The following UAP1L1 variants were observed in gnomAD, a reference collection of about 807,000 sequenced individuals.
UAP1L1 encodes UDP-N-acetylglucosamine pyrophosphorylase 1 like 1, also known as UDP-N-acetylhexosamine pyrophosphorylase-like protein 1.
UAP1L1 carries 45 observed loss-of-function variants against 45.3 expected under a neutral mutation model. The observed-to-expected ratio is 0.99, with a 90% confidence interval of 0.78 to 1.27. The LOEUF is 1.27. UAP1L1 is among the 50% of genes most tolerant of loss of function. UAP1L1 has a pLI of 0.00. For missense variants in UAP1L1, 667 were observed against 694.0 expected, an observed-to-expected ratio of 0.96 and a Z score of 0.44; for synonymous variants, 323 against 303.9, an observed-to-expected ratio of 1.06 and a Z score of -0.65.
At position 137,082,021 on chromosome 9, in the gene UAP1L1, C is replaced by T. The variant is rs575192975; in HGVS notation, c.1388C>T (p.Pro463Leu). Residue 463 changes from proline to leucine, a missense_variant, in exon 8 of 9, where the codon CCG (proline) becomes CTG (leucine). Physicochemically the swap from Pro to Leu is moderately conservative, Grantham distance 98. Coordinates refer to ENST00000409858, the MANE Select transcript of UAP1L1 (RefSeq NM_207309.3). This position sits in a 1 kb window ranked among gnomAD's most constrained non-coding sequence, Gnocchi z 5.7. ...AGCTTGCCCCCAAATGGAGACCCTC[C>T]GGCCATCTGTGAGATATCGCCCTTG... ...LPSLPPNGDPPAICEISPLVS... is the reference protein window; with the variant it reads ...LPSLPPNGDPLAICEISPLVS... 32 of 1,614,072 alleles carry T rather than the reference C, an allele frequency of 2.0e-5. No homozygotes were observed. Among genetic ancestry groups the T allele is most frequent in the South Asian group, 7.7e-5 (7 of 91,086 alleles).
rs181864249 is a variant in UAP1L1 at position 137,080,544 on chromosome 9, C to G, written c.1179-145C>G. 9 of 811,692 alleles carry G rather than the reference C, an allele frequency of 1.1e-5. No homozygotes were observed. In the East Asian group the frequency reaches 2.3e-4, roughly 21 times the overall value. 50.3% of individuals were successfully genotyped at this position (811,692 alleles called of 1,614,324 possible). ...CCCTGGCGTCTCAGGAGCAAAAACA[C>G]TCAGTACCTGCGGGGGCTCCTCCCT... On this transcript the variant is annotated intron_variant, in intron 6 of 8. Coordinates refer to ENST00000409858, the MANE Select transcript of UAP1L1 (RefSeq NM_207309.3).
In UAP1L1 at chr9:137,079,109, C is replaced by A. The variant is rs200693101; in HGVS notation, c.804C>A (p.Ile268=). The change falls in exon 4 of 9, where the codon ATC becomes ATA. Residue 268 remains isoleucine, a synonymous_variant. Coordinates refer to ENST00000409858, the MANE Select transcript of UAP1L1 (RefSeq NM_207309.3). ...ILVRLADPVF[I]GFCVLQGADC... The stretch of plus-strand genomic sequence containing the variant: ...TGCGGCTGGCGGACCCTGTCTTCAT[C>A]GGCTTCTGTGTGTTGCAGGGCGCAG... 1.0e-4 allele frequency: 166 copies of A among 1,611,782 alleles called. No homozygotes were observed. The highest frequency in any genetic ancestry group is 1.3e-4 in the Non-Finnish European group (151 of 1,179,628).
chr9:137,082,570 T>C lies in UAP1L1; in HGVS notation c.1432-67T>C. Reference sequence around the variant, plus strand: ...CGCACCTGGGGACTGTGGCTCTTGGTGTGGCCAGAGGGGCTGTGACCCGCC... The same window carrying C: ...CGCACCTGGGGACTGTGGCTCTTGGCGTGGCCAGAGGGGCTGTGACCCGCC... On this transcript the variant is annotated intron_variant, in intron 8 of 8. Coordinates refer to ENST00000409858, the MANE Select transcript of UAP1L1 (RefSeq NM_207309.3). This position sits in a 1 kb window ranked among gnomAD's most constrained non-coding sequence, Gnocchi z 5.7. The C allele has an allele frequency of 7.6e-7, 1 of 1,315,344 alleles. No individual in the cohort carries two copies. Among genetic ancestry groups the C allele is most frequent in the Non-Finnish European group, 1.1e-6 (1 of 935,436 alleles). The allele number at this position is 1,315,344 out of a possible 1,614,324, so 81.5% of individuals were successfully genotyped here. A position where few individuals can be genotyped will look rare whatever the true frequency, so the allele number is the denominator to read the frequency against.
chr9:137,080,778 C>G lies in UAP1L1; in HGVS notation c.1268C>G (p.Ala423Gly). The change falls in exon 7 of 9, where the codon GCT becomes GGT. Residue 423 changes from alanine (A) to glycine (G), a missense_variant. Coordinates refer to ENST00000409858, the MANE Select transcript of UAP1L1 (RefSeq NM_207309.3). ...EPADRDSPRT[A>G]RQALLTQHYR... The stretch of plus-strand genomic sequence containing the variant: ...GCCGACAGGGACAGTCCCCGCACCG[C>G]TCGCCAGGCCCTGCTCACCCAGCAC... 1 of 1,612,736 alleles carries G rather than the reference C, an allele frequency of 6.2e-7. No individual in the cohort carries two copies. The highest frequency in any genetic ancestry group is 8.5e-7 in the Non-Finnish European group (1 of 1,179,960).
chr9:137,082,242 C>A lies in UAP1L1; in HGVS notation c.1431+178C>A. 1 of 667,488 alleles carries A rather than the reference C, an allele frequency of 1.5e-6. No homozygotes were observed. The highest frequency in any genetic ancestry group is 2.6e-6 in the Non-Finnish European group (1 of 378,284). The allele number at this position is 667,488 out of a possible 1,614,324, so 41.3% of individuals were successfully genotyped here. A position where few individuals can be genotyped will look rare whatever the true frequency, so the allele number is the denominator to read the frequency against. ...ATGGGTTGGGGTGGGGTGAGGCATC[C>A]AGAGGCCTTTGCAGGTCCTGGGAGG... On this transcript the variant is annotated intron_variant, in intron 8 of 8. Coordinates refer to ENST00000409858, the MANE Select transcript of UAP1L1 (RefSeq NM_207309.3). The surrounding 1 kb of genome is among the most constrained non-coding windows in gnomAD (Gnocchi z 5.7).
At chr9:137,078,930 C>A (rs1033610187) in intron 3 of UAP1L1, 46 bp from the exon 4 acceptor site, 2 of 1,546,816 alleles carry the variant, frequency 1.3e-6, no homozygotes, top group Admixed American at 4.3e-5. Context: ...CCAGAGCGAT[C>A]CCTGGCGGGA....
At chr9:137,078,306 C>CA in intron 2 of UAP1L1, 52 bp downstream of exon 2, 27 of 1,511,920 alleles carry the variant, frequency 1.8e-5, no homozygotes, top group Non-Finnish European at 2.4e-5. Flanking sequence ...CCCACGCCCC[C>CA]CCACATCCCC....
chr9:137,080,546 C>T (rs2131542766), intron 6 of UAP1L1, 143 bp from the exon 7 acceptor site: 1 of 815,648 alleles, frequency 1.2e-6, no homozygotes, highest in Non-Finnish European at 1.9e-6. Context: ...CAAAAACACT[C>T]AGTACCTGCG....
Sources: gnomAD v4.1 joint callset for allele counts on GRCh38, gnomAD v4.1.1 for gene constraint, Gnocchi (gnomAD v3.1) non-coding constraint, MANE v1.5 for transcripts, NCBI Gene and HGNC (gene_info 2026-07-23, HGNC 2026-07-21) for gene names.